Variants in GNAQ observed in about 807,000 individuals in gnomAD.
GNAQ encodes the protein guanine nucleotide-binding protein G(q) subunit alpha.
Under a neutral mutation model 43.9 loss-of-function variants are expected in GNAQ, and 8 were observed. That is an observed-to-expected ratio of 0.18 (90% CI 0.11 to 0.33). The LOEUF is 0.33. GNAQ is among the 10% of genes least tolerant of loss of function. The pLI is 1.00. For missense variants in GNAQ, 158 were observed against 450.8 expected, an observed-to-expected ratio of 0.35 and a Z score of 5.88; for synonymous variants, 155 against 170.7, an observed-to-expected ratio of 0.91 and a Z score of 0.71.
At chr9:77,849,031 C>T (rs1475236959) in intron 2 of GNAQ, among the ~76,000 whole-genome samples, 2 of 152,170 alleles carry the variant, frequency 1.3e-5, no homozygotes, top group Non-Finnish European at 2.9e-5. Flanking sequence ...TCTAGCCCCA[C>T]TGAGGAAAAT....
chr9:77,756,047 AG>A (rs1825898511), intron 5 of GNAQ, among the ~76,000 whole-genome samples: 1 of 152,128 alleles, frequency 6.6e-6, no homozygotes, highest in African/African-American at 2.4e-5. Flanking sequence ...GAACATGGAA[AG>A]ACTAGACTGG....
chr9:77,848,829 G>C (rs1827625882), intron 2 of GNAQ, among the ~76,000 whole-genome samples: 1 of 152,086 alleles, frequency 6.6e-6, no homozygotes, highest in Non-Finnish European at 1.5e-5. Flanking sequence ...CTTTGTTGGG[G>C]AAAAAGGAAA....
intron 2 of GNAQ, among the ~76,000 whole-genome samples, chr9:77,834,307 GATTA>G (rs1290176890): frequency 6.6e-6 from 1 of 152,172 alleles, no homozygotes; most frequent in East Asian, 1.9e-4. Context: ...GCTACTGAGA[GATTA>G]ATTATGACAA....
intron 2 of GNAQ, among the ~76,000 whole-genome samples, chr9:77,867,174 T>C (rs1200987383): frequency 6.6e-6 from 1 of 152,100 alleles, no homozygotes. Flanking sequence ...TGGCCCCCAC[T>C]TCCCCCCGCC....
chr9:77,992,481 A>G (rs1031196902), intron 1 of GNAQ, among the ~76,000 whole-genome samples: 16 of 152,110 alleles, frequency 1.1e-4, no homozygotes, highest in Non-Finnish European at 1.9e-4. Context: ...ACCTTCTTGG[A>G]CTTTTGAGAG....
intron 2 of GNAQ, among the ~76,000 whole-genome samples, chr9:77,839,816 G>A (rs1386290382): frequency 1.3e-5 from 2 of 152,200 alleles, no homozygotes; most frequent in African/African-American, 2.4e-5. Context: ...GTTAAGTGCT[G>A]AAAAATACAT....
At chr9:77,949,147 C>A (rs1290842150) in intron 1 of GNAQ, among the ~76,000 whole-genome samples, 1 of 152,126 alleles carries the variant, frequency 6.6e-6, no homozygotes, top group Non-Finnish European at 1.5e-5. Context: ...AAATACCTGG[C>A]CTGAACCCAA....
chr9:77,941,190 C>T (rs927538069), intron 1 of GNAQ, among the ~76,000 whole-genome samples: 1 of 151,972 alleles, frequency 6.6e-6, no homozygotes, highest in Admixed American at 6.5e-5. Flanking sequence ...GAATTCTATA[C>T]ACCAATGTGA....
rs147282050 is a variant in GNAQ, at chr9:77,745,050, G to A, written c.736-16383C>T. ...CCATATTTCAATCAGGCTGAGATTT[G>A]TGTGAGTAAATGATAGGCTCTGGAA... On this transcript the variant is annotated intron_variant, in intron 5 of 6. Transcript: ENST00000286548. Among the ~76,000 whole-genome samples, 414 of 152,348 alleles carry A rather than the reference G, an allele frequency of 2.7e-3. 3 individuals carry two copies. The highest frequency in any genetic ancestry group is 8.6e-3 in the African/African-American group (356 of 41,576).
intron 1 of GNAQ, among the ~76,000 whole-genome samples, chr9:78,014,359 T>TC (rs1823811235): frequency 6.6e-6 from 1 of 152,152 alleles, no homozygotes; most frequent in African/African-American, 2.4e-5. Context: ...GCGTGGTGGC[T>TC]CACTCCTGTA....
chr9:77,912,376 C>G (rs986986406), intron 2 of GNAQ, among the ~76,000 whole-genome samples: 5 of 152,178 alleles, frequency 3.3e-5, no homozygotes, highest in Non-Finnish European at 7.3e-5. Context: ...TTGGCCTTTA[C>G]CTTATACCAT....
chr9:77,823,592 G>A (rs1827148382), intron 2 of GNAQ, among the ~76,000 whole-genome samples: 1 of 152,208 alleles, frequency 6.6e-6, no homozygotes, highest in Non-Finnish European at 1.5e-5. Flanking sequence ...TGTATAGGAA[G>A]CATGAATGGG....
chr9:77,800,885 A>G (rs1826734567), intron 3 of GNAQ, among the ~76,000 whole-genome samples: 1 of 152,220 alleles, frequency 6.6e-6, no homozygotes, highest in African/African-American at 2.4e-5. Flanking sequence ...ACTACTGTAT[A>G]CAAAAACTTA....
At chr9:77,922,933 A>G (rs1451620304) in intron 1 of GNAQ, among the ~76,000 whole-genome samples, 1 of 152,140 alleles carries the variant, frequency 6.6e-6, no homozygotes, top group Non-Finnish European at 1.5e-5. Flanking sequence ...GAGATAAAGA[A>G]ATCCCATCTG....
intron 2 of GNAQ, among the ~76,000 whole-genome samples, chr9:77,899,481 G>T (rs556307558): frequency 1.2e-3 from 180 of 151,048 alleles, no homozygotes; most frequent in African/African-American, 4.2e-3. Flanking sequence ...CTGTTCTAGG[G>T]ATATAAGAGT....
intron 2 of GNAQ, among the ~76,000 whole-genome samples, chr9:77,840,876 T>G (rs886527925): frequency 1.3e-5 from 2 of 152,118 alleles, no homozygotes; most frequent in Non-Finnish European, 2.9e-5. Flanking sequence ...ATTCATACTC[T>G]TCCCTTCAGG....
intron 1 of GNAQ, among the ~76,000 whole-genome samples, chr9:78,030,796 C>T (rs1824043141): frequency 1.3e-5 from 2 of 152,088 alleles, no homozygotes; most frequent in African/African-American, 4.8e-5. Context: ...AGATGCACAG[C>T]AGATAAGGTA....
intron 5 of GNAQ, among the ~76,000 whole-genome samples, chr9:77,737,595 C>A (rs535320940): frequency 2.6e-4 from 39 of 152,278 alleles, no homozygotes; most frequent in African/African-American, 8.4e-4. Context: ...TTCAGCATCC[C>A]AACGTATTCC....
intron 1 of GNAQ, among the ~76,000 whole-genome samples, chr9:78,027,882 GTAAAA>G (rs1824001996): frequency 6.6e-6 from 1 of 151,990 alleles, no homozygotes; most frequent in Non-Finnish European, 1.5e-5. Flanking sequence ...TCAAAAACGT[GTAAAA>G]TAAGAACAGG....
Sources: gnomAD v4.1 joint callset for allele counts (sites outside exome capture counted in the v4.1 genomes callset) on GRCh38, gnomAD v4.1.1 for gene constraint, MANE v1.5 for transcripts, NCBI Gene and HGNC (gene_info 2026-07-23, HGNC 2026-07-21) for gene names.